The following DMD variants were observed in gnomAD, a reference collection of about 807,000 sequenced individuals.
The protein encoded by DMD is dystrophin.
Under a neutral mutation model 330.1 loss-of-function variants are expected in DMD, and 63 were observed. That is an observed-to-expected ratio of 0.19 (90% CI 0.16 to 0.24). The LOEUF (loss-of-function observed/expected upper bound fraction) is 0.24. Among genes scored for constraint, DMD ranks in the 10% least tolerant of loss-of-function variants. DMD has a pLI of 1.00. For missense variants in DMD, 3,344 were observed against 2,684.1 expected, an observed-to-expected ratio of 1.25 and a Z score of -5.43; for synonymous variants, 1,223 against 959.8, an observed-to-expected ratio of 1.27 and a Z score of -5.07.
intron 44 of DMD, among the ~76,000 whole-genome samples, chrX:32,057,477 A>G (rs1433551257): frequency 1.8e-5 from 2 of 111,443 alleles, no homozygotes; most frequent in Non-Finnish European, 3.8e-5. Flanking sequence ...CGCTAGCAAC[A>G]TAAAAACAGG....
At chrX:31,229,864 G>A (rs547080934) in intron 63 of DMD, among the ~76,000 whole-genome samples, 3 of 112,135 alleles carry the variant, frequency 2.7e-5, no homozygotes, top group East Asian at 5.5e-4. Context: ...CTTTTCAGAT[G>A]ACAAGTATTA....
At chrX:31,761,288 G>A (rs1031384794) in intron 51 of DMD, among the ~76,000 whole-genome samples, 3 of 110,924 alleles carry the variant, frequency 2.7e-5, no homozygotes, top group Non-Finnish European at 5.7e-5. Flanking sequence ...AACCATAGAA[G>A]GAGGGCAATA....
intron 7 of DMD, among the ~76,000 whole-genome samples, chrX:32,713,295 T>G (rs2065363164): frequency 8.9e-6 from 1 of 111,876 alleles, no homozygotes; most frequent in Admixed American, 9.6e-5. Context: ...CTGCTTATTC[T>G]CTAAGTGGCT....
intron 60 of DMD, among the ~76,000 whole-genome samples, chrX:31,402,791 C>T (rs2061248078): frequency 8.9e-6 from 1 of 111,886 alleles, no homozygotes; most frequent in Admixed American, 9.5e-5. Flanking sequence ...GGCTGAATGA[C>T]TCTTAACTGG....
Position 32,679,270 on chromosome X carries a change from G to C in DMD, c.960+18600C>G, listed in dbSNP as rs1024836354. Among the ~76,000 whole-genome samples the C allele has an allele frequency of 2.7e-5, 3 of 110,384 alleles. No individual in the cohort carries two copies. In the South Asian group the frequency reaches 1.1e-3, roughly 42 times the overall value. On this transcript the variant is annotated intron_variant, in intron 9 of 78. Coordinates refer to ENST00000357033, the MANE Select transcript of DMD (RefSeq NM_004006.3). Reference sequence around the variant, plus strand: ...GAAGTTAATAGAAGGAAAGAATAAAGATCAGAACAAAAGTAAATAAAATAG... The same window carrying C: ...GAAGTTAATAGAAGGAAAGAATAAACATCAGAACAAAAGTAAATAAAATAG...
intron 44 of DMD, among the ~76,000 whole-genome samples, chrX:32,001,505 C>T (rs1002434078): frequency 4.5e-5 from 5 of 110,078 alleles, no homozygotes; most frequent in Non-Finnish European, 5.7e-5. Flanking sequence ...AAGACGCTAG[C>T]GGGTCTCACT....
chrX:32,729,561 C>T (rs903323080), intron 7 of DMD, among the ~76,000 whole-genome samples: 2 of 108,839 alleles, frequency 1.8e-5, no homozygotes, highest in South Asian at 7.5e-4. Context: ...ATCTTAACCA[C>T]CCCCCCAATC....
intron 44 of DMD, among the ~76,000 whole-genome samples, chrX:32,095,249 A>G (rs2096497717): frequency 8.9e-6 from 1 of 111,972 alleles, no homozygotes; most frequent in African/African-American, 3.2e-5. Flanking sequence ...ACTAGTTAAA[A>G]TGTACCTTTT....
chrX:32,999,026 G>T (rs1023064297), intron 2 of DMD, among the ~76,000 whole-genome samples: 1 of 112,232 alleles, frequency 8.9e-6, no homozygotes, highest in Non-Finnish European at 1.9e-5. Context: ...AACAGAAGTT[G>T]CTGGAAATTC....
chrX:32,265,213 C>T lies in DMD; in HGVS notation c.6290+22316G>A, dbSNP rs6631529. Among the ~76,000 whole-genome samples the T allele has an allele frequency of 0.038, 4,302 of 111,784 alleles. 266 individuals carry two copies. In the East Asian group the frequency reaches 0.41, roughly 11 times the overall value. ...TGCAGCCTAGGGACTAGGTGCCCTG[C>T]ATCCCAGCCACTCCAGCCATGGCTA... is the stretch of plus-strand genomic sequence containing the variant. On this transcript the variant is annotated intron_variant, in intron 43 of 78. Coordinates refer to ENST00000357033, the MANE Select transcript of DMD (RefSeq NM_004006.3).
rs192254387 is a variant in DMD at position 33,336,419 on chromosome X, C to T, written c.7+2840G>A. Among the ~76,000 whole-genome samples the T allele has an allele frequency of 9.0e-3, 990 of 110,552 alleles. 4 individuals are homozygous for T. Among genetic ancestry groups the T allele is most frequent in the Middle Eastern group, 0.042 (9 of 213 alleles). On this transcript the variant is annotated intron_variant, in intron 1 of 17. Coordinates refer to the DMD transcript ENST00000288447. ...TATTTCTTAACCGATAGTGTCTTCC[C>T]CTGCTCATCTTTCTGAAGAGCAACA...
intron 44 of DMD, among the ~76,000 whole-genome samples, chrX:31,985,973 T>A (rs1019167009): frequency 9.0e-6 from 1 of 111,605 alleles, no homozygotes; most frequent in Non-Finnish European, 1.9e-5. Context: ...GAAAACAGCA[T>A]GTATGACGCT....
chrX:32,354,863 G>C (rs1266896240), intron 37 of DMD, among the ~76,000 whole-genome samples: 1 of 111,231 alleles, frequency 9.0e-6, no homozygotes, highest in Non-Finnish European at 1.9e-5. Context: ...TCAAGAATCT[G>C]CTTCCTACTG....
intron 1 of DMD, among the ~76,000 whole-genome samples, chrX:33,317,492 A>G (rs1406408943): frequency 8.9e-6 from 1 of 111,916 alleles, no homozygotes; most frequent in Non-Finnish European, 1.9e-5. Context: ...TAAATATGGC[A>G]TAACAACCAA....
intron 1 of DMD, among the ~76,000 whole-genome samples, chrX:33,095,315 C>T (rs1263735058): frequency 1.8e-5 from 2 of 112,491 alleles, no homozygotes; most frequent in Non-Finnish European, 3.8e-5. Flanking sequence ...TATAAGTACA[C>T]AGAAATAGCG....
intron 7 of DMD, among the ~76,000 whole-genome samples, chrX:32,777,563 G>A (rs1304573562): frequency 9.0e-6 from 1 of 110,714 alleles, no homozygotes; most frequent in Non-Finnish European, 1.9e-5. Flanking sequence ...GAATAAACAA[G>A]AATAAGACCT....
intron 40 of DMD, chrX:32,342,912 A>C (rs748761380): frequency 6.4e-5 from 29 of 454,132 alleles, no homozygotes; most frequent in Non-Finnish European, 1.0e-4. Flanking sequence ...CATTTCTTAA[A>C]TCACTTTACA....
intron 53 of DMD, among the ~76,000 whole-genome samples, chrX:31,660,508 GA>G (rs766358109): frequency 4.5e-5 from 5 of 111,936 alleles, no homozygotes; most frequent in African/African-American, 1.6e-4. Flanking sequence ...CATTTTAAAA[GA>G]AGAGCTTATT....
intron 44 of DMD, among the ~76,000 whole-genome samples, chrX:32,170,076 C>A (rs2096882210): frequency 9.0e-6 from 1 of 110,887 alleles, no homozygotes; most frequent in African/African-American, 3.3e-5. Context: ...TTTCTAGTTT[C>A]CATCTGAGAT....
Sources: gnomAD v4.1 joint callset for allele counts (sites outside exome capture counted in the v4.1 genomes callset) on GRCh38, gnomAD v4.1.1 for gene constraint, MANE v1.5 for transcripts, NCBI Gene and HGNC (gene_info 2026-07-23, HGNC 2026-07-21) for gene names.